The following ABCC1 variants were observed in gnomAD, a reference collection of about 807,000 sequenced individuals.
ABCC1 encodes the protein ATP binding cassette subfamily C member 1 (ABCC1 blood group), also known as multidrug resistance-associated protein 1.
ABCC1 carries 83 observed loss-of-function variants against 172.9 expected under a neutral mutation model. The ratio of observed to expected loss-of-function variants is 0.48; its 90% confidence interval spans 0.40 to 0.58. ABCC1 has a LOEUF of 0.58. ABCC1 is among the 20% of genes least tolerant of loss of function. The pLI, the probability that ABCC1 is intolerant of heterozygous loss-of-function variation, is 0.00. For synonymous variants in ABCC1, 937 were observed against 825.2 expected, an observed-to-expected ratio of 1.14 and a Z score of -2.32; for missense variants, 1,817 against 2,002.7, an observed-to-expected ratio of 0.91 and a Z score of 1.77.
chr16:16,053,777 A>C (rs1281996223), intron 11 of ABCC1, among the ~76,000 whole-genome samples: 1 of 62,872 alleles, frequency 1.6e-5, no homozygotes, highest in Non-Finnish European at 2.7e-5. Flanking sequence ...CCTGTCTCAA[A>C]AAAAAAAAAA....
chr16:16,011,540 C>T (rs531656371), intron 3 of ABCC1, among the ~76,000 whole-genome samples: 2 of 152,130 alleles, frequency 1.3e-5, no homozygotes, highest in African/African-American at 2.4e-5. Flanking sequence ...ACTTCACTGG[C>T]GTGAGATCAC....
chr16:16,064,900 A>G (rs561290437), intron 12 of ABCC1, among the ~76,000 whole-genome samples: 48 of 152,378 alleles, frequency 3.2e-4, no homozygotes, highest in African/African-American at 1.1e-3. Flanking sequence ...CTAGTGCTAG[A>G]GAAAGCCATC....
intron 1 of ABCC1, among the ~76,000 whole-genome samples, chr16:15,965,059 A>G (rs2046214301): frequency 6.6e-6 from 1 of 152,126 alleles, no homozygotes; most frequent in South Asian, 2.1e-4. Flanking sequence ...GCATATTAAC[A>G]TTTGAGTCTT....
At chr16:16,070,643 T>C (rs958084267) in intron 13 of ABCC1, among the ~76,000 whole-genome samples, 9 of 152,066 alleles carry the variant, frequency 5.9e-5, no homozygotes, top group South Asian at 2.1e-4. Flanking sequence ...CCAGCCTGGG[T>C]GACAGAGCGA....
At chr16:15,985,810 A>G (rs949353180) in intron 1 of ABCC1, among the ~76,000 whole-genome samples, 1 of 151,398 alleles carries the variant, frequency 6.6e-6, no homozygotes, top group East Asian at 1.9e-4. Context: ...ACATCACTCT[A>G]GTTCTCGGGA....
At chr16:16,068,120 G>T (rs541870438) in intron 12 of ABCC1, 36 bp from the exon 13 acceptor site, 2 of 1,612,984 alleles carry the variant, frequency 1.2e-6, no homozygotes, top group South Asian at 2.2e-5. Flanking sequence ...CTCTCACTCG[G>T]GGCACAGCAG....
chr16:16,100,985 G>T (rs913690191), intron 19 of ABCC1, among the ~76,000 whole-genome samples: 7 of 150,220 alleles, frequency 4.7e-5, no homozygotes, highest in African/African-American at 9.8e-5. Flanking sequence ...TTAATTTTTT[G>T]GTTTATTTTC....
intron 2 of ABCC1, among the ~76,000 whole-genome samples, chr16:16,008,714 G>T (rs2047652542): frequency 6.6e-6 from 1 of 151,664 alleles, no homozygotes; most frequent in Admixed American, 6.6e-5. Context: ...GTGGTGGCAT[G>T]TGCCTGTAAT....
At chr16:16,009,947 G>T (rs1407847564) in intron 3 of ABCC1, 46 bp downstream of exon 3, 2 of 1,411,718 alleles carry the variant, frequency 1.4e-6, no homozygotes, top group East Asian at 6.1e-5. Context: ...GCTGGGCTCA[G>T]TGGAGACCAA....
rs2151890518 is a variant in ABCC1 at position 16,048,232 on chromosome 16, T to A, written c.1309T>A (p.Leu437Met). ...MSVDAQRFMDLATYINMIWSA... is the reference protein window; with the variant it reads ...MSVDAQRFMDMATYINMIWSA... The stretch of plus-strand genomic sequence containing the variant: ...TGTGGACGCTCAGAGGTTCATGGAC[T>A]TGGCCACGTACATTAACATGATCTG... The change falls in exon 10 of 31, where the codon TTG becomes ATG. Residue 437 changes from leucine (L) to methionine (M), a missense_variant. By Grantham distance (15) the Leu-to-Met change is conservative (BLOSUM62 2). Transcript: ENST00000399410. 1.2e-6 allele frequency: 2 copies of A among 1,614,190 alleles called. No homozygotes were observed. Among genetic ancestry groups the A allele is most frequent in the Non-Finnish European group, 8.5e-7 (1 of 1,180,028 alleles).
At position 16,141,207 on chromosome 16, in the gene ABCC1, T is replaced by G; in HGVS notation, c.4522T>G (p.Tyr1508Asp). 1 of 1,613,540 alleles carries G rather than the reference T, an allele frequency of 6.2e-7. No homozygotes were observed. Among genetic ancestry groups the G allele is most frequent in the Non-Finnish European group, 8.5e-7 (1 of 1,179,882 alleles). Residue 1508 changes from tyrosine to aspartate, a missense_variant, in exon 31 of 31, where the codon TAC becomes GAC. This residue lies in a region of ABCC1 where 1,412 missense variants were observed against 1,600.3 expected (regional missense o/e 0.88). Coordinates refer to ENST00000399410, the MANE Select transcript of ABCC1 (RefSeq NM_004996.4). ...IVLDKGEIQE[Y>D]GAPSDLLQQR... is the part of the protein sequence containing the mutation. ...CTTGGACAAAGGAGAAATCCAGGAG[T>G]ACGGCGCCCCATCGGACCTCCTGCA... is the stretch of plus-strand genomic sequence containing the variant.
At position 15,949,764 on chromosome 16, in the gene ABCC1, G is replaced by C; in HGVS notation, c.13G>C (p.Gly5Arg). 8.4e-7 allele frequency: 1 copy of C among 1,193,894 alleles called. No individual in the cohort carries two copies. Among genetic ancestry groups the C allele is most frequent in the Non-Finnish European group, 1.0e-6 (1 of 962,816 alleles). The allele number at this position is 1,193,894 out of a possible 1,614,324, so 74.0% of individuals were successfully genotyped here. The change falls in exon 1 of 31, where the codon GGC (glycine) becomes CGC (arginine). Residue 5 changes from glycine (G) to arginine (R), a missense_variant. By Grantham distance (125) the Gly-to-Arg change is moderately radical. This residue lies in a region of ABCC1 where 398 missense variants were observed against 384.2 expected (regional missense o/e 1.04). Transcript: ENST00000399410. MALR[G>R]FCSADGSDPL... is the part of the protein sequence containing the mutation. ...CCGCGCCACCGGCATGGCGCTCCGG[G>C]GCTTCTGCAGCGCCGATGGCTCCGA...
chr16:16,055,835 G>A (rs2049627092), intron 11 of ABCC1, among the ~76,000 whole-genome samples: 2 of 151,052 alleles, frequency 1.3e-5, no homozygotes, highest in South Asian at 4.2e-4. Context: ...ACCCTCAGGA[G>A]GCCCATTTTT....
intron 1 of ABCC1, among the ~76,000 whole-genome samples, chr16:15,987,516 T>C (rs914770485): frequency 6.6e-6 from 1 of 152,166 alleles, no homozygotes; most frequent in Non-Finnish European, 1.5e-5. Flanking sequence ...CTATGTATTG[T>C]GGCCATTAAG....
Position 16,131,854 on chromosome 16 carries a change from C to T in ABCC1, c.3885C>T (p.Phe1295=), listed in dbSNP as rs45533037. 24 of 1,614,196 alleles carry T rather than the reference C, an allele frequency of 1.5e-5. No individual in the cohort carries two copies. Among genetic ancestry groups the T allele is most frequent in the Non-Finnish European group, 1.9e-5 (23 of 1,180,040 alleles). Reference sequence around the variant, plus strand: ...GGCCCCAGGTGGGCCGAGTGGAATTCCGGAACTACTGCCTGCGCTACCGAG... The same window carrying T: ...GGCCCCAGGTGGGCCGAGTGGAATTTCGGAACTACTGCCTGCGCTACCGAG... ...SSWPQVGRVE[F]RNYCLRYRED... Residue 1295 remains phenylalanine (F), a synonymous_variant, in exon 27 of 31, where the codon TTC becomes TTT. Transcript: ENST00000399410.
rs1207584889 is a variant in ABCC1 at position 16,009,224 on chromosome 16, G to A, written c.226-552G>A. 7.9e-5 allele frequency among the ~76,000 whole-genome samples: 12 copies of A among 152,082 alleles called. No individual in the cohort carries two copies. The East Asian group carries it at 2.3e-3, about 29-fold the overall frequency. ...TCCTCCTGCCTCGGCCTCCCAAAGT[G>A]CTGGTATTACAGGCATGAATCTGGC... On this transcript the variant is annotated intron_variant, in intron 2 of 30. Transcript: ENST00000399410.
intron 27 of ABCC1, among the ~76,000 whole-genome samples, chr16:16,133,489 C>T (rs957021952): frequency 3.3e-5 from 5 of 152,062 alleles, no homozygotes; most frequent in South Asian, 2.1e-4. Flanking sequence ...CTGCAACCTC[C>T]GTCCCCTGGG....
intron 19 of ABCC1, chr16:16,094,347 C>A: frequency 3.9e-6 from 1 of 254,096 alleles, no homozygotes; most frequent in South Asian, 4.9e-5. Context: ...TTTGGGCCGC[C>A]GACCTTGTGG....
At chr16:15,984,512 GGCTCACT>G (rs2046701087) in intron 1 of ABCC1, among the ~76,000 whole-genome samples, 1 of 149,114 alleles carries the variant, frequency 6.7e-6, no homozygotes, top group Non-Finnish European at 1.5e-5. Flanking sequence ...GCGTGATCGT[GGCTCACT>G]GCATCCTCCG....
Sources: allele counts gnomAD v4.1 joint callset (sites outside exome capture counted in the v4.1 genomes callset), GRCh38; gene constraint gnomAD v4.1.1; regional missense constraint gnomAD v4.1.1; transcripts MANE v1.5; gene names NCBI Gene and HGNC (gene_info 2026-07-23, HGNC 2026-07-21).